The following LRRC8D variants were observed in gnomAD, a reference collection of about 807,000 sequenced individuals.
The protein encoded by LRRC8D is volume-regulated anion channel subunit LRRC8D.
LRRC8D carries 20 observed loss-of-function variants against 55.8 expected under a neutral mutation model. The observed-to-expected ratio is 0.36, with a 90% CI of 0.25 to 0.52. The LOEUF (loss-of-function observed/expected upper bound fraction) is 0.52. Among genes scored for constraint, LRRC8D ranks in the 20% least tolerant of loss-of-function variants. The pLI is 0.93. For missense variants in LRRC8D, 651 were observed against 1,030.8 expected (o/e 0.63, Z 5.05); for synonymous variants, 352 against 377.0 (o/e 0.93, Z 0.77).
Position 89,824,925 on chromosome 1 carries a change from C to T in LRRC8D, c.-148+3634C>T, listed in dbSNP as rs988796823. 2.6e-5 allele frequency among the ~76,000 whole-genome samples: 4 copies of T among 152,122 alleles called. No homozygotes were observed. In the East Asian group the frequency reaches 5.8e-4, roughly 22 times the overall value. On this transcript the variant is annotated intron_variant, in intron 1 of 2. Coordinates refer to ENST00000337338, the MANE Select transcript of LRRC8D (RefSeq NM_001134479.2). The stretch of plus-strand genomic sequence containing the variant: ...TGCCTATGATTTTCTTAGGCAGTGC[C>T]GAGCACAAACTTCTTTATTAGATAA...
intron 2 of LRRC8D, among the ~76,000 whole-genome samples, chr1:89,868,812 C>A (rs1661920127): frequency 6.6e-6 from 1 of 152,192 alleles, no homozygotes; most frequent in Non-Finnish European, 1.5e-5. Context: ...ACAAAAATGT[C>A]TTTCTTATTC....
At chr1:89,926,993 T>C (rs1663581499) in intron 2 of LRRC8D, among the ~76,000 whole-genome samples, 1 of 152,248 alleles carries the variant, frequency 6.6e-6, no homozygotes, top group African/African-American at 2.4e-5. Flanking sequence ...TCAGGCAATG[T>C]TCCACTGTGT....
chr1:89,821,465 G>A (rs1211906640), intron 1 of LRRC8D, among the ~76,000 whole-genome samples, 174 bp downstream of exon 1: 1 of 152,170 alleles, frequency 6.6e-6, no homozygotes, highest in Non-Finnish European at 1.5e-5. Context: ...GTGGCGGCGA[G>A]CGGAGTGGGC....
intron 1 of LRRC8D, chr1:89,842,930 T>C (rs968646049): frequency 6.6e-6 from 1 of 152,202 alleles, no homozygotes; most frequent in African/African-American, 2.4e-5. Flanking sequence ...GAGGATGAGG[T>C]TGACAGGTTG....
At chr1:89,825,218 T>C (rs1186654796) in intron 1 of LRRC8D, among the ~76,000 whole-genome samples, 3 of 152,220 alleles carry the variant, frequency 2.0e-5, no homozygotes, top group Non-Finnish European at 2.9e-5. Context: ...CTATTGGTCC[T>C]ATATGAGAGC....
At chr1:89,873,840 C>T (rs1224515042) in intron 2 of LRRC8D, among the ~76,000 whole-genome samples, 3 of 152,164 alleles carry the variant, frequency 2.0e-5, no homozygotes, top group African/African-American at 2.4e-5. Context: ...TGATAATGAA[C>T]GACCTAGTAG....
intron 2 of LRRC8D, among the ~76,000 whole-genome samples, chr1:89,898,476 G>A (rs1210303606): frequency 6.6e-6 from 1 of 152,164 alleles, no homozygotes; most frequent in Non-Finnish European, 1.5e-5. Flanking sequence ...CTCAGAAAGA[G>A]CTCATTTGCT....
At chr1:89,838,783 C>T (rs1661064040) in intron 1 of LRRC8D, among the ~76,000 whole-genome samples, 1 of 152,146 alleles carries the variant, frequency 6.6e-6, no homozygotes, top group South Asian at 2.1e-4. Flanking sequence ...TTTTGTTTAT[C>T]ACAGTTTGAT....
intron 2 of LRRC8D, among the ~76,000 whole-genome samples, chr1:89,872,521 C>T (rs1471060308): frequency 1.3e-5 from 2 of 152,224 alleles, no homozygotes; most frequent in African/African-American, 4.8e-5. Context: ...GTACCAAACA[C>T]ATCTGTGGTC....
intron 2 of LRRC8D, 80 bp downstream of exon 2, chr1:89,843,862 C>A: frequency 1.8e-6 from 1 of 566,998 alleles, no homozygotes; most frequent in Non-Finnish European, 3.2e-6. Flanking sequence ...GGATCTGCAT[C>A]TCCAGCTCTG....
chr1:89,912,439 C>G (rs146781116), intron 2 of LRRC8D, among the ~76,000 whole-genome samples: 61 of 145,884 alleles, frequency 4.2e-4, no homozygotes, highest in African/African-American at 1.5e-3. Flanking sequence ...TGGGAAACCA[C>G]AAAGGACTAT....
intron 2 of LRRC8D, among the ~76,000 whole-genome samples, chr1:89,889,461 T>G (rs1381034300): frequency 6.6e-6 from 1 of 152,158 alleles, no homozygotes; most frequent in Admixed American, 6.5e-5. Flanking sequence ...TAATATATTT[T>G]TATTGGTCTG....
intron 2 of LRRC8D, among the ~76,000 whole-genome samples, chr1:89,918,287 A>G (rs1347227036): frequency 6.6e-6 from 1 of 152,242 alleles, no homozygotes; most frequent in Non-Finnish European, 1.5e-5. Flanking sequence ...ACAATGAATA[A>G]TAACCAGCAG....
intron 2 of LRRC8D, among the ~76,000 whole-genome samples, chr1:89,856,630 T>C (rs1455108601): frequency 6.6e-6 from 1 of 152,274 alleles, no homozygotes; most frequent in Non-Finnish European, 1.5e-5. Flanking sequence ...TTTACTGCTA[T>C]GATCTTAGCT....
chr1:89,876,709 T>C (rs550278146), intron 2 of LRRC8D, among the ~76,000 whole-genome samples: 6 of 152,334 alleles, frequency 3.9e-5, no homozygotes, highest in Admixed American at 2.0e-4. Context: ...CTTTGGAACA[T>C]AGCCACATTC....
In LRRC8D at chr1:89,826,458, G is replaced by T. The variant is rs955954119; in HGVS notation, c.-148+5167G>T. On this transcript the variant is annotated intron_variant, in intron 1 of 2. Transcript: ENST00000337338. ...TTTTTGTATTTTTAGTAGAGATGGGGTTTCACCATGGTCTCGATCTCCTGA... is the reference window on the plus strand; with the variant it reads ...TTTTTGTATTTTTAGTAGAGATGGGTTTTCACCATGGTCTCGATCTCCTGA... Among the ~76,000 whole-genome samples the T allele has an allele frequency of 2.6e-5, 4 of 152,152 alleles. No homozygotes were observed. The South Asian group carries it at 6.2e-4, about 24-fold the overall frequency.
intron 2 of LRRC8D, among the ~76,000 whole-genome samples, chr1:89,870,295 T>G (rs1366249753): frequency 6.6e-6 from 1 of 151,684 alleles, no homozygotes; most frequent in Non-Finnish European, 1.5e-5. Flanking sequence ...GCTAATGTGG[T>G]GAAACCCTGT....
At chr1:89,843,456 G>C in intron 1 of LRRC8D, 182 bp from the exon 2 acceptor site, 1 of 418,184 alleles carries the variant, frequency 2.4e-6, no homozygotes, top group Admixed American at 4.2e-5. Context: ...CGCCACCTCG[G>C]CACCACGCGG....
chr1:89,933,422 A>C lies in LRRC8D; in HGVS notation c.354A>C (p.Thr118=). The C allele has an allele frequency of 6.2e-7, 1 of 1,614,194 alleles. No homozygotes were observed. Among genetic ancestry groups the C allele is most frequent in the Non-Finnish European group, 8.5e-7 (1 of 1,180,038 alleles). The change falls in exon 3 of 3, where the codon ACA becomes ACC. Residue 118 remains threonine (T), a synonymous_variant. Transcript: ENST00000337338. This position sits in a 1 kb window ranked among gnomAD's most constrained non-coding sequence, Gnocchi z 7.0. ...DIPLRATYPR[T]DFALPNQEAK... ...CTCTCAGAGCCACATATCCTCGCAC[A>C]GATTTCGCACTTCCAAATCAGGAGG...
Sources: allele counts gnomAD v4.1 joint callset (sites outside exome capture counted in the v4.1 genomes callset), GRCh38; gene constraint gnomAD v4.1.1; non-coding constraint Gnocchi (gnomAD v3.1); transcripts MANE v1.5; gene names NCBI Gene and HGNC (gene_info 2026-07-23, HGNC 2026-07-21).